Variants in EYA3 observed in about 807,000 individuals in gnomAD.
EYA3 encodes the protein EYA transcriptional coactivator and phosphatase 3.
In EYA3, 39 loss-of-function variants were observed where a neutral mutation model predicts 80.0. That is an observed-to-expected ratio of 0.49 (90% CI 0.38 to 0.64). The LOEUF (loss-of-function observed/expected upper bound fraction) is 0.64. EYA3 is among the 30% of genes least tolerant of loss of function. EYA3 has a pLI of 0.00. For missense variants in EYA3, 523 were observed against 676.1 expected (o/e 0.77, Z 2.51); for synonymous variants, 206 against 232.8 (o/e 0.88, Z 1.05).
At chr1:28,008,772 C>T (rs1256551344) in intron 10 of EYA3, among the ~76,000 whole-genome samples, 7 of 151,966 alleles carry the variant, frequency 4.6e-5, no homozygotes, top group South Asian at 4.1e-4. Flanking sequence ...GGTGAAACCC[C>T]GTCTCTACTA....
Position 28,076,789 on chromosome 1 carries a change from GGAGTGC to G in EYA3, c.-69+11729_-69+11734del, listed in dbSNP as rs1382599919. On this transcript the variant is annotated intron_variant, in intron 1 of 17. Transcript: ENST00000373871. ...GAGTTTCGCTCTCATTGCCCAGGCT[GGAGTGC>G]GATGGCGTGATCTCGGCTCACCTCA... Among the ~76,000 whole-genome samples the G allele has an allele frequency of 2.1e-5, 3 of 140,506 alleles. No homozygotes were observed. The South Asian group carries it at 6.6e-4, about 31-fold the overall frequency. The allele number at this position is 140,506 out of a possible 152,430, so 92.2% of individuals were successfully genotyped here. A position where few individuals can be genotyped will look rare whatever the true frequency, so the allele number is the denominator to read the frequency against.
intron 12 of EYA3, 85 bp downstream of exon 12, chr1:27,999,875 A>C: frequency 1.0e-6 from 1 of 1,004,444 alleles, no homozygotes; most frequent in Non-Finnish European, 1.5e-6. Flanking sequence ...CTAAACACAT[A>C]TCTTCTAATA....
intron 1 of EYA3, among the ~76,000 whole-genome samples, chr1:28,059,720 T>A (rs907060660): frequency 4.0e-5 from 6 of 149,364 alleles, no homozygotes; most frequent in African/African-American, 1.2e-4. Flanking sequence ...GTTGGATTTT[T>A]TTTTTTTTTT....
chr1:28,067,280 G>A (rs890627346), intron 1 of EYA3, among the ~76,000 whole-genome samples: 1 of 152,090 alleles, frequency 6.6e-6, no homozygotes, highest in Non-Finnish European at 1.5e-5. Flanking sequence ...CAAACAACAT[G>A]TGAACAATAA....
intron 1 of EYA3, among the ~76,000 whole-genome samples, chr1:28,080,350 G>C (rs918708051): frequency 3.3e-5 from 5 of 152,100 alleles, no homozygotes; most frequent in Non-Finnish European, 5.9e-5. Context: ...TCAGCTGCTT[G>C]GGAGGCTGAG....
intron 6 of EYA3, among the ~76,000 whole-genome samples, chr1:28,028,347 C>T (rs898793211): frequency 6.6e-6 from 1 of 152,122 alleles, no homozygotes; most frequent in African/African-American, 2.4e-5. Context: ...ACCCATTAAA[C>T]AAGGACCAAA....
chr1:28,037,917 T>C (rs940020458), intron 5 of EYA3, among the ~76,000 whole-genome samples: 1 of 152,262 alleles, frequency 6.6e-6, no homozygotes, highest in African/African-American at 2.4e-5. Flanking sequence ...CCTGGCTTAA[T>C]AAATGCACTT....
chr1:28,050,234 C>A (rs1644195001), intron 2 of EYA3, among the ~76,000 whole-genome samples: 1 of 148,218 alleles, frequency 6.7e-6, no homozygotes, highest in South Asian at 2.1e-4. Context: ...GTTCTGTCAC[C>A]CAGGCTGGAG....
chr1:28,011,455 G>C (rs1403295909), intron 9 of EYA3, among the ~76,000 whole-genome samples: 1 of 152,136 alleles, frequency 6.6e-6, no homozygotes, highest in Non-Finnish European at 1.5e-5. Context: ...GGGATGTCTT[G>C]TGCATTATAG....
chr1:28,049,904 C>T (rs1225041002), intron 2 of EYA3, among the ~76,000 whole-genome samples: 2 of 152,002 alleles, frequency 1.3e-5, no homozygotes, highest in Non-Finnish European at 2.9e-5. Flanking sequence ...ATATATTCTT[C>T]CAATAGTGGA....
At chr1:28,008,895 G>A (rs949064853) in intron 10 of EYA3, among the ~76,000 whole-genome samples, 1 of 152,206 alleles carries the variant, frequency 6.6e-6, no homozygotes, top group African/African-American at 2.4e-5. Flanking sequence ...AATGAGCCGA[G>A]ATTGTGCCAC....
rs1571755404 is a variant in EYA3 at position 28,000,064 on chromosome 1, G to GA, written c.994-16dup. 2.6e-6 allele frequency: 4 copies of GA among 1,563,932 alleles called. No homozygotes were observed. The highest frequency in any genetic ancestry group is 2.3e-5 in the East Asian group (1 of 43,536). On this transcript the variant is annotated splice_polypyrimidine_tract_variant and intron_variant, in intron 11 of 17. Transcript: ENST00000373871. The stretch of plus-strand genomic sequence containing the variant: ...ACTGTTGGGTCCTAGAAGACAATAA[G>GA]AAAAAATCAGCTTGACTTGGTAGTC...
At chr1:28,003,639 CTCAAGCAA>C (rs1400648503) in intron 11 of EYA3, among the ~76,000 whole-genome samples, 2 of 152,124 alleles carry the variant, frequency 1.3e-5, no homozygotes, top group Non-Finnish European at 2.9e-5. Flanking sequence ...AACTCCTAGG[CTCAAGCAA>C]TCTTCCCACC....
intron 1 of EYA3, among the ~76,000 whole-genome samples, chr1:28,085,543 A>G (rs1166467270): frequency 6.6e-6 from 1 of 152,224 alleles, no homozygotes; most frequent in Non-Finnish European, 1.5e-5. Flanking sequence ...CAAAACAAGT[A>G]AGACAAAGTA....
intron 6 of EYA3, among the ~76,000 whole-genome samples, chr1:28,033,999 A>G (rs1643306200): frequency 6.6e-6 from 1 of 151,150 alleles, no homozygotes; most frequent in Middle Eastern, 3.4e-3. Context: ...GTTTGAGACC[A>G]GCTGGCCAAA....
At chr1:28,053,581 T>C (rs941885080) in intron 2 of EYA3, among the ~76,000 whole-genome samples, 1 of 152,256 alleles carries the variant, frequency 6.6e-6, no homozygotes, top group South Asian at 2.1e-4. Flanking sequence ...AAAAAGAAGA[T>C]ACAACTACCT....
chr1:28,081,449 A>G (rs895753960), intron 1 of EYA3, among the ~76,000 whole-genome samples: 1 of 152,234 alleles, frequency 6.6e-6, no homozygotes, highest in Non-Finnish European at 1.5e-5. Flanking sequence ...TTTTAAATTT[A>G]AAAGAGAAAA....
intron 3 of EYA3, among the ~76,000 whole-genome samples, chr1:28,044,852 G>A (rs909469989): frequency 6.6e-6 from 1 of 151,982 alleles, no homozygotes; most frequent in African/African-American, 2.4e-5. Flanking sequence ...GGCTCCTGCA[G>A]CTTTGACCTC....
intron 6 of EYA3, among the ~76,000 whole-genome samples, chr1:28,031,731 G>C (rs1643149287): frequency 6.6e-6 from 1 of 152,122 alleles, no homozygotes; most frequent in Non-Finnish European, 1.5e-5. Flanking sequence ...CAGCTCATTT[G>C]GATAGGCTAT....
Sources: allele counts gnomAD v4.1 joint callset (sites outside exome capture counted in the v4.1 genomes callset), GRCh38; gene constraint gnomAD v4.1.1; transcripts MANE v1.5; gene names NCBI Gene and HGNC (gene_info 2026-07-23, HGNC 2026-07-21).